CD40LG: variants seen among roughly 807,000 people sequenced by gnomAD.
CD40LG encodes the protein CD40 ligand, also known as CD40 antigen ligand.
CD40LG carries 1 observed loss-of-function variant against 17.2 expected under a neutral mutation model. The observed-to-expected ratio is 0.06, with a 90% CI of 0.02 to 0.28. CD40LG has a LOEUF of 0.28. Among genes scored for constraint, CD40LG ranks in the 10% least tolerant of loss-of-function variants. The pLI, the probability that CD40LG is intolerant of heterozygous loss-of-function variation, is 1.00. For synonymous variants in CD40LG, 66 were observed against 74.4 expected (o/e 0.89, Z 0.58); for missense variants, 133 against 193.2 (o/e 0.69, Z 1.85).
At chrX:136,654,900 C>G (rs746789157) in intron 3 of CD40LG, among the ~76,000 whole-genome samples, 1 of 111,126 alleles carries the variant, frequency 9.0e-6, no homozygotes, top group Non-Finnish European at 1.9e-5. Context: ...TCCTGAACAT[C>G]TCAGGGTTGG....
At chrX:136,656,608 AAGG>A (rs1423197152) in intron 4 of CD40LG, among the ~76,000 whole-genome samples, 190 bp downstream of exon 4, 1 of 112,143 alleles carries the variant, frequency 8.9e-6, no homozygotes, top group Non-Finnish European at 1.9e-5. Flanking sequence ...AGAGGGACAA[AAGG>A]AGGTGGAATG....
At chrX:136,653,295 A>G (rs1330031844) in intron 2 of CD40LG, among the ~76,000 whole-genome samples, 1 of 112,304 alleles carries the variant, frequency 8.9e-6, no homozygotes, top group Non-Finnish European at 1.9e-5. Context: ...ACGCCCTTAA[A>G]TCTGGCAACT....
intron 1 of CD40LG, among the ~76,000 whole-genome samples, chrX:136,649,458 T>G (rs767493380): frequency 3.3e-4 from 37 of 112,441 alleles, no homozygotes; most frequent in Non-Finnish European, 6.2e-4. Context: ...TGGTTATTTG[T>G]GTTTGGCCTG....
chrX:136,657,559 T>C (rs1295582631), intron 4 of CD40LG, among the ~76,000 whole-genome samples: 4 of 111,901 alleles, frequency 3.6e-5, no homozygotes, highest in Non-Finnish European at 5.6e-5. Context: ...TACTTCACCA[T>C]GGCTTAGATG....
chrX:136,650,740 G>A (rs190324114), intron 2 of CD40LG, among the ~76,000 whole-genome samples: 75 of 111,164 alleles, frequency 6.7e-4, no homozygotes, highest in Middle Eastern at 4.6e-3. Context: ...TGATGCTCTC[G>A]CACTGGGGAC....
At chrX:136,652,854 C>T (rs1035367356) in intron 2 of CD40LG, among the ~76,000 whole-genome samples, 2 of 111,294 alleles carry the variant, frequency 1.8e-5, no homozygotes, top group African/African-American at 6.5e-5. Context: ...TCCATACCTG[C>T]CACATGGAAC....
chrX:136,659,115 C>T lies in CD40LG; in HGVS notation c.486C>T (p.Thr162=), dbSNP rs1396558750. Residue 162 remains threonine, a synonymous_variant, in exon 5 of 5, where the codon ACC becomes ACT. Coordinates refer to ENST00000370629, the MANE Select transcript of CD40LG (RefSeq NM_000074.3). ...LVTLENGKQL[T]VKRQGLYYIY... is the part of the protein sequence containing the mutation. ...CCCTGGAAAATGGGAAACAGCTGAC[C>T]GTTAAAAGACAAGGACTCTATTATA... is the stretch of plus-strand genomic sequence containing the variant. 8 of 1,209,183 alleles carry T rather than the reference C, an allele frequency of 6.6e-6. No individual in the cohort carries two copies. The highest frequency in any genetic ancestry group is 7.8e-6 in the Non-Finnish European group (7 of 893,330).
In CD40LG at chrX:136,654,375, T is replaced by C; in HGVS notation, c.291T>C (p.Asp97=). The C allele has an allele frequency of 8.4e-7, 1 of 1,190,878 alleles. No homozygotes were observed. Among genetic ancestry groups the C allele is most frequent in the African/African-American group, 1.7e-5 (1 of 57,489 alleles). ...TCTTGCAATGCTTCTTATTTTAGGA[T>C]ATAATGTTAAACAAAGAGGAGACGA... ...IKSQFEGFVK[D]IMLNKEETKK... is the part of the protein sequence containing the mutation. Residue 97 remains aspartate, a splice_region_variant and synonymous_variant, in exon 3 of 5, where the codon GAT becomes GAC. Coordinates refer to ENST00000370629, the MANE Select transcript of CD40LG (RefSeq NM_000074.3).
intron 2 of CD40LG, among the ~76,000 whole-genome samples, chrX:136,651,147 C>T (rs762715718): frequency 9.0e-6 from 1 of 111,115 alleles, no homozygotes; most frequent in South Asian, 3.9e-4. Context: ...TACATTAATT[C>T]CATCATCACA....
intron 2 of CD40LG, among the ~76,000 whole-genome samples, chrX:136,651,619 T>G (rs758872393): frequency 1.8e-4 from 20 of 111,815 alleles, no homozygotes; most frequent in African/African-American, 6.5e-4. Flanking sequence ...GGAAAATGAT[T>G]TGAGTTTCTT....
Position 136,660,119 on chromosome X carries a change from C to CACACACAT in CD40LG, c.*711_*712insTACACACA, listed in dbSNP as rs1569378092. On this transcript the variant is annotated 3_prime_UTR_variant, in exon 5 of 5. Transcript: ENST00000370629. ...TCCCCCTTTCTAACACACACACACACACACACACACACACACACACACACA... is the reference window on the plus strand; with the variant it reads ...TCCCCCTTTCTAACACACACACACACACACACATACACACACACACACACACACACACA... The CACACACAT allele has an allele frequency of 2.3e-3, 180 of 78,443 alleles. 1 individual carries two copies. The highest frequency in any genetic ancestry group is 0.014 in the African/African-American group (176 of 12,854). The allele number at this position is 78,443 out of a possible 1,213,427, so 6.5% of individuals were successfully genotyped here.
At chrX:136,655,392 G>A (rs866905038) in intron 3 of CD40LG, among the ~76,000 whole-genome samples, 5 of 111,976 alleles carry the variant, frequency 4.5e-5, no homozygotes, top group Admixed American at 9.5e-5. Context: ...ATGTGGCATC[G>A]CAAACCAATA....
At chrX:136,650,471 T>C in intron 2 of CD40LG, 74 bp downstream of exon 2, 2 of 958,394 alleles carry the variant, frequency 2.1e-6, no homozygotes, top group South Asian at 3.9e-5. Context: ...AAACTGACAA[T>C]GCCAATGTTT....
Position 136,659,436 on chromosome X carries a change from G to A in CD40LG, c.*21G>A. On this transcript the variant is annotated 3_prime_UTR_variant, in exon 5 of 5. Transcript: ENST00000370629. ...TCTGAACAGTGTCACCTTGCAGGCT[G>A]TGGTGGAGCTGACGCTGGGAGTCTT... 8.3e-7 allele frequency: 1 copy of A among 1,205,084 alleles called. No homozygotes were observed. Among genetic ancestry groups the A allele is most frequent in the South Asian group, 1.8e-5 (1 of 56,951 alleles).
intron 2 of CD40LG, among the ~76,000 whole-genome samples, chrX:136,652,919 A>C (rs922522701): frequency 7.3e-5 from 8 of 110,322 alleles, no homozygotes; most frequent in Non-Finnish European, 1.5e-4. Context: ...CACTTTAAAA[A>C]GTATTTCAGT....
chrX:136,649,565 G>T (rs1207559048), intron 1 of CD40LG, among the ~76,000 whole-genome samples: 2 of 112,220 alleles, frequency 1.8e-5, no homozygotes, highest in Non-Finnish European at 3.8e-5. Flanking sequence ...ATTTACATGT[G>T]CTCTTAATTA....
chrX:136,650,153 T>C (rs1451325794), intron 1 of CD40LG, 113 bp from the exon 2 acceptor site: 2 of 534,709 alleles, frequency 3.7e-6, no homozygotes, highest in Admixed American at 2.8e-5. Context: ...TCTCCATTTA[T>C]GCCTGAAAGT....
At position 136,659,763 on chromosome X, in the gene CD40LG, A is replaced by T. The variant is rs944161881; in HGVS notation, c.*348A>T. ...AGTTCAGTTTTGTTTCTTTGCGTGCAGTGTCTTTCCATGGATAATGCATTT... is the reference window on the plus strand; with the variant it reads ...AGTTCAGTTTTGTTTCTTTGCGTGCTGTGTCTTTCCATGGATAATGCATTT... On this transcript the variant is annotated 3_prime_UTR_variant, in exon 5 of 5. Coordinates refer to ENST00000370629, the MANE Select transcript of CD40LG (RefSeq NM_000074.3). 1.1e-4 allele frequency: 25 copies of T among 236,290 alleles called. No homozygotes were observed. The highest frequency in any genetic ancestry group is 6.7e-5 in the Non-Finnish European group (9 of 133,572). 19.5% of individuals were successfully genotyped at this position (236,290 alleles called of 1,213,427 possible).
Position 136,659,920 on chromosome X carries a change from A to ACCGCCCCC in CD40LG, c.*507_*508insGCCCCCCC, listed in dbSNP as rs2076129891. On this transcript the variant is annotated 3_prime_UTR_variant, in exon 5 of 5. Coordinates refer to ENST00000370629, the MANE Select transcript of CD40LG (RefSeq NM_000074.3). Reference sequence around the variant, plus strand: ...ACGTCTAACACAGTGGAGAACCGAAACCCCCCCCCCCCCCCCGCCACCCTC... The same window carrying ACCGCCCCC: ...ACGTCTAACACAGTGGAGAACCGAAACCGCCCCCCCCCCCCCCCCCCCCCGCCACCCTC... 2 of 18,651 alleles carry ACCGCCCCC rather than the reference A, an allele frequency of 1.1e-4. No homozygotes were observed. Among genetic ancestry groups the ACCGCCCCC allele is most frequent in the Non-Finnish European group, 1.7e-4 (1 of 5,737 alleles). The allele number at this position is 18,651 out of a possible 1,213,427, so 1.5% of individuals were successfully genotyped here. A position where few individuals can be genotyped will look rare whatever the true frequency, so the allele number is the denominator to read the frequency against.
Sources: gnomAD v4.1 joint callset for allele counts (sites outside exome capture counted in the v4.1 genomes callset) on GRCh38, gnomAD v4.1.1 for gene constraint, MANE v1.5 for transcripts, NCBI Gene and HGNC (gene_info 2026-07-23, HGNC 2026-07-21) for gene names.